RPSA2: variants seen among roughly 807,000 people sequenced by gnomAD.
The protein encoded by RPSA2 is small ribosomal subunit protein uS2B.
At chr19:23,760,619 C>G in the RPSA2 span, among the ~76,000 whole-genome samples, 1 of 149,916 alleles carries the variant, frequency 6.7e-6, no homozygotes, top group African/African-American at 2.5e-5. Flanking sequence ...TAGTCTTTCA[C>G]TTTTCTTCTG....
chr19:23,790,897 T>C, the RPSA2 span: 1 of 476,182 alleles, frequency 2.1e-6, no homozygotes, highest in Non-Finnish European at 3.8e-6. Flanking sequence ...TGAGTTCTCC[T>C]TGCCCAGGTT....
chr19:23,832,139 G>T, the RPSA2 span: 16 of 417,446 alleles, frequency 3.8e-5, no homozygotes, highest in East Asian at 7.3e-4. Context: ...AAACTTTACA[G>T]ATGTGAAGAA....
the RPSA2 span, among the ~76,000 whole-genome samples, chr19:23,821,375 A>G: frequency 6.6e-6 from 1 of 152,156 alleles, no homozygotes; most frequent in Non-Finnish European, 1.5e-5. Flanking sequence ...CCTTTCACTC[A>G]TGGGCCTATA....
the RPSA2 span, among the ~76,000 whole-genome samples, chr19:23,826,749 G>A: frequency 6.6e-6 from 1 of 151,856 alleles, no homozygotes; most frequent in African/African-American, 2.4e-5. Flanking sequence ...GCAGTGGGGC[G>A]ATCTTGGCTC....
At chr19:23,827,753 A>T in the RPSA2 span, 1 of 1,582,774 alleles carries the variant, frequency 6.3e-7, no homozygotes, top group African/African-American at 1.3e-5. Flanking sequence ...ATGGGAGGTC[A>T]TGCCTGATCT....
At chr19:23,863,450 G>T in the RPSA2 span, among the ~76,000 whole-genome samples, 3 of 151,768 alleles carry the variant, frequency 2.0e-5, no homozygotes, top group African/African-American at 7.3e-5. Context: ...TATAATCCCA[G>T]CTAGTGGGGA....
At chr19:23,827,567 G>T in the RPSA2 span, 7 of 1,593,068 alleles carry the variant, frequency 4.4e-6, no homozygotes, top group African/African-American at 6.7e-5. Context: ...GCCTCTCACG[G>T]AGGCATCTTA....
At chr19:23,840,740 C>G in the RPSA2 span, among the ~76,000 whole-genome samples, 2 of 151,880 alleles carry the variant, frequency 1.3e-5, no homozygotes, top group Non-Finnish European at 2.9e-5. Context: ...GGCAGATCAC[C>G]TGAGGTCAGG....
the RPSA2 span, among the ~76,000 whole-genome samples, chr19:23,794,215 C>G: frequency 6.6e-6 from 1 of 152,028 alleles, no homozygotes; most frequent in Non-Finnish European, 1.5e-5. Context: ...GGGTATATAC[C>G]CAATTATGAG....
chr19:23,846,233 C>A, the RPSA2 span, among the ~76,000 whole-genome samples: 1 of 152,230 alleles, frequency 6.6e-6, no homozygotes, highest in South Asian at 2.1e-4. Context: ...TTCTTGTAGG[C>A]AACACACAGT....
chr19:23,798,269 T>C, the RPSA2 span, among the ~76,000 whole-genome samples: 2 of 152,206 alleles, frequency 1.3e-5, no homozygotes, highest in African/African-American at 4.8e-5. Flanking sequence ...CTAAAAGATA[T>C]TGGTAATTTG....
the RPSA2 span, among the ~76,000 whole-genome samples, chr19:23,862,564 T>C: frequency 2.6e-5 from 4 of 152,272 alleles, no homozygotes; most frequent in South Asian, 2.1e-4. Context: ...CAATACCTAA[T>C]TTATTGAGTG....
chr19:23,849,347 T>A, the RPSA2 span, among the ~76,000 whole-genome samples: 5 of 152,048 alleles, frequency 3.3e-5, no homozygotes, highest in African/African-American at 9.7e-5. Context: ...GGGGCATACC[T>A]GGATTGAGAA....
At chr19:23,869,403 T>C in the RPSA2 span, among the ~76,000 whole-genome samples, 1 of 115,036 alleles carries the variant, frequency 8.7e-6, no homozygotes, top group East Asian at 2.8e-4. Flanking sequence ...TAACCAACCA[T>C]GCCCGGCCCA....
At chr19:23,794,640 G>C in the RPSA2 span, among the ~76,000 whole-genome samples, 1 of 152,058 alleles carries the variant, frequency 6.6e-6, no homozygotes, top group Non-Finnish European at 1.5e-5. Context: ...GTGGTTGTCT[G>C]TTTACTGTGT....
the RPSA2 span, among the ~76,000 whole-genome samples, chr19:23,844,546 CT>C: frequency 6.6e-6 from 1 of 151,936 alleles, no homozygotes; most frequent in Admixed American, 6.6e-5. Context: ...TCTTACTATG[CT>C]TTTAGTTTGA....
At chr19:23,821,988 A>G in the RPSA2 span, among the ~76,000 whole-genome samples, 1 of 152,148 alleles carries the variant, frequency 6.6e-6, no homozygotes, top group Non-Finnish European at 1.5e-5. Context: ...AAAACCCTCT[A>G]GCTTTTGCAG....
chr19:23,781,481 G>A, the RPSA2 span, among the ~76,000 whole-genome samples: 10 of 151,960 alleles, frequency 6.6e-5, no homozygotes, highest in African/African-American at 2.4e-4. Flanking sequence ...TGGGATTACA[G>A]ATGCCCACCA....
At chr19:23,824,976 T>G in the RPSA2 span, among the ~76,000 whole-genome samples, 1 of 151,898 alleles carries the variant, frequency 6.6e-6, no homozygotes, top group Non-Finnish European at 1.5e-5. Context: ...GTTTTGTTTT[T>G]GTTTTTGTTT....
Sources: allele counts gnomAD v4.1 joint callset (sites outside exome capture counted in the v4.1 genomes callset), GRCh38; gene constraint gnomAD v4.1.1; transcripts MANE v1.5; gene names NCBI Gene and HGNC (gene_info 2026-07-23, HGNC 2026-07-21).